The following MYEF2 variants were observed in gnomAD, a reference collection of about 807,000 sequenced individuals.
MYEF2 encodes myelin gene expression factor 2.
Under a neutral mutation model 75.2 loss-of-function variants are expected in MYEF2, and 37 were observed. The ratio of observed to expected loss-of-function variants is 0.49; its 90% CI spans 0.38 to 0.65. The LOEUF (loss-of-function observed/expected upper bound fraction) is 0.65. Among genes scored for constraint, MYEF2 ranks in the 30% least tolerant of loss-of-function variants. MYEF2 has a pLI of 0.00. For missense variants in MYEF2, 634 were observed against 771.4 expected, an observed-to-expected ratio of 0.82 and a Z score of 2.11; for synonymous variants, 195 against 241.6, an observed-to-expected ratio of 0.81 and a Z score of 1.79.
Position 48,137,093 on chromosome 15 carries a change from C to T in MYEF2, c.*5815G>A. 1.0e-6 allele frequency: 1 copy of T among 969,216 alleles called. No homozygotes were observed. Among genetic ancestry groups the T allele is most frequent in the Non-Finnish European group, 1.5e-6 (1 of 670,092 alleles). The allele number at this position is 969,216 out of a possible 1,614,324, so 60.0% of individuals were successfully genotyped here. On this transcript the variant is annotated 3_prime_UTR_variant, in exon 17 of 17. Transcript: ENST00000324324. ...TGTGAAGACTCAGAAATGATAAAGA[C>T]CAAGTCCCTACCTTTAAGGAACTTC...
chr15:48,139,108 C>T lies in MYEF2; in HGVS notation c.*3800G>A, dbSNP rs757226848. 1.2e-6 allele frequency: 2 copies of T among 1,613,080 alleles called. No individual in the cohort carries two copies. Among genetic ancestry groups the T allele is most frequent in the Admixed American group, 1.7e-5 (1 of 59,982 alleles). ...TTTGGAAAAACTACTTTGTGATAAC[C>T]TTTTTCATGTCTGCAATATGGATAT... On this transcript the variant is annotated 3_prime_UTR_variant, in exon 17 of 17. Transcript: ENST00000324324.
chr15:48,152,168 AAC>A lies in MYEF2; in HGVS notation c.1138+64_1138+65del, dbSNP rs565276139. 2.8e-4 allele frequency: 399 copies of A among 1,439,770 alleles called. 1 individual carries two copies. In the African/African-American group the frequency reaches 5.1e-3, roughly 18 times the overall value. 89.2% of individuals were successfully genotyped at this position (1,439,770 alleles called of 1,614,324 possible). A position where few individuals can be genotyped will look rare whatever the true frequency, so the allele number is the denominator to read the frequency against. Reference sequence around the variant, plus strand: ...ATGACTTTTTTTTCATGGAATTCTCAACACAGTTTCTAGTTTATTAAAAATGG... The same window carrying A: ...ATGACTTTTTTTTCATGGAATTCTCAACAGTTTCTAGTTTATTAAAAATGG... On this transcript the variant is annotated intron_variant, in intron 11 of 16. Transcript: ENST00000324324.
chr15:48,155,011 A>C lies in MYEF2; in HGVS notation c.986-1118T>G, dbSNP rs139882286. Reference sequence around the variant, plus strand: ...ATTAAAATATCCAGAAGAATCCAAGATAGGAGTAAAATAAGTATTTGTAAG... The same window carrying C: ...ATTAAAATATCCAGAAGAATCCAAGCTAGGAGTAAAATAAGTATTTGTAAG... On this transcript the variant is annotated intron_variant, in intron 9 of 16. Transcript: ENST00000324324. Among the ~76,000 whole-genome samples, 485 of 152,278 alleles carry C rather than the reference A, an allele frequency of 3.2e-3. 1 individual carries two copies. Among genetic ancestry groups the C allele is most frequent in the African/African-American group, 0.011 (470 of 41,572 alleles).
rs1292711107 is a variant in MYEF2, at chr15:48,139,391, G to A, written c.*3517C>T. ...AAACTGTATTTTCCACTGTTATTTA[G>A]CCTGGGGTACAATTCAAGAGATCTT... On this transcript the variant is annotated 3_prime_UTR_variant, in exon 17 of 17. Transcript: ENST00000324324. The A allele has an allele frequency of 2.5e-6, 1 of 406,830 alleles. No individual in the cohort carries two copies. Among genetic ancestry groups the A allele is most frequent in the Non-Finnish European group, 4.4e-6 (1 of 226,068 alleles). The allele number at this position is 406,830 out of a possible 1,614,324, so 25.2% of individuals were successfully genotyped here.
At chr15:48,166,177 G>C (rs763746439) in intron 3 of MYEF2, 49 bp from the exon 4 acceptor site, 1 of 1,439,174 alleles carries the variant, frequency 6.9e-7, no homozygotes, top group Non-Finnish European at 9.6e-7. Flanking sequence ...AAAAGTTTTA[G>C]ATCAGTACAT....
Position 48,142,833 on chromosome 15 carries a change from A to G in MYEF2, c.*75T>C. On this transcript the variant is annotated 3_prime_UTR_variant, in exon 17 of 17. Transcript: ENST00000324324. ...TTTACAGCTTTTGTAAGCATACAATATTACTTTAAAAAAATGACTTTTACT... is the reference window on the plus strand; with the variant it reads ...TTTACAGCTTTTGTAAGCATACAATGTTACTTTAAAAAAATGACTTTTACT... The G allele has an allele frequency of 7.2e-7, 1 of 1,398,264 alleles. No individual in the cohort carries two copies. Among genetic ancestry groups the G allele is most frequent in the Admixed American group, 2.4e-5 (1 of 41,116 alleles). The allele number at this position is 1,398,264 out of a possible 1,614,324, so 86.6% of individuals were successfully genotyped here.
In MYEF2 at chr15:48,158,858, C is replaced by T. The variant is rs143505455; in HGVS notation, c.782G>A (p.Arg261Gln). 6.2e-6 allele frequency: 10 copies of T among 1,613,618 alleles called. No homozygotes were observed. Among genetic ancestry groups the T allele is most frequent in the African/African-American group, 2.7e-5 (2 of 74,868 alleles). ...EVFSIAGTVK[R>Q]ADIKEDKDGK... ...ATCTTTGTCTTCTTTAATATCTGCCCGCTTCACAGTTCCAGCTATGCTGAA... is the reference window on the plus strand; with the variant it reads ...ATCTTTGTCTTCTTTAATATCTGCCTGCTTCACAGTTCCAGCTATGCTGAA... Residue 261 changes from arginine to glutamine, a missense_variant, in exon 7 of 17, where the codon CGG becomes CAG. Physicochemically the swap from Arg to Gln is conservative, Grantham distance 43 (BLOSUM62 1). Coordinates refer to ENST00000324324, the MANE Select transcript of MYEF2 (RefSeq NM_016132.5).
intron 5 of MYEF2, among the ~76,000 whole-genome samples, chr15:48,165,158 C>T (rs1305110281): frequency 6.6e-6 from 1 of 152,088 alleles, no homozygotes; most frequent in African/African-American, 2.4e-5. Context: ...TGATTAGCAT[C>T]AGTATTAGTA....
At chr15:48,153,984 T>A (rs1361845491) in intron 9 of MYEF2, 91 bp from the exon 10 acceptor site, 3 of 947,628 alleles carry the variant, frequency 3.2e-6, no homozygotes, top group African/African-American at 1.7e-5. Flanking sequence ...ATACCTGTAG[T>A]AGTATCTGTA....
chr15:48,142,953 T>C lies in MYEF2; in HGVS notation c.1758A>G (p.Lys586=), dbSNP rs145729443. The C allele has an allele frequency of 2.0e-4, 321 of 1,601,674 alleles. No individual in the cohort carries two copies. The highest frequency in any genetic ancestry group is 2.4e-4 in the Non-Finnish European group (284 of 1,174,720). ...EKACRIMNGI[K]ISGREIDVRL... is the part of the protein sequence containing the mutation. ...GAACATCAATTTCTCTGCCACTGAT[T>C]TTTATGCCATTCATTATTCTGCAGG... Residue 586 remains lysine, a synonymous_variant, in exon 17 of 17, where the codon AAA becomes AAG. Transcript: ENST00000324324.
chr15:48,173,049 AG>A, intron 1 of MYEF2, among the ~76,000 whole-genome samples: 1 of 152,224 alleles, frequency 6.6e-6, no homozygotes, highest in African/African-American at 2.4e-5. Context: ...CTACAAGAAA[AG>A]AAAATTACAG....
In MYEF2 at chr15:48,139,238, TTCAC is replaced by T. The variant is rs1567229720; in HGVS notation, c.*3666_*3669del. On this transcript the variant is annotated 3_prime_UTR_variant, in exon 17 of 17. Transcript: ENST00000324324. ...TTCATATAAGAACAAATTGCATATG[TTCAC>T]TCAAAGTAGTCTAGCTACACAGCAA... 4.3e-6 allele frequency: 6 copies of T among 1,410,794 alleles called. No individual in the cohort carries two copies. Among genetic ancestry groups the T allele is most frequent in the Non-Finnish European group, 4.9e-6 (5 of 1,010,848 alleles). 87.4% of individuals were successfully genotyped at this position (1,410,794 alleles called of 1,614,324 possible). A position where few individuals can be genotyped will look rare whatever the true frequency, so the allele number is the denominator to read the frequency against.
At chr15:48,156,237 C>A (rs1387310884) in intron 9 of MYEF2, among the ~76,000 whole-genome samples, 1 of 152,050 alleles carries the variant, frequency 6.6e-6, no homozygotes, top group Non-Finnish European at 1.5e-5. Context: ...GACAAAAACA[C>A]ACTAAACCCC....
At position 48,134,788 on chromosome 15, in the gene MYEF2, T is replaced by A. The variant is rs2038855545; in HGVS notation, c.*8120A>T. On this transcript the variant is annotated 3_prime_UTR_variant, in exon 17 of 17. Transcript: ENST00000324324. ...AAGCAATATGCAAAAGATAACAATA[T>A]TTAACTACAAATATATAAACAATTT... The A allele has an allele frequency of 2.0e-6, 2 of 1,004,536 alleles. No individual in the cohort carries two copies. Among genetic ancestry groups the A allele is most frequent in the African/African-American group, 3.3e-5 (2 of 60,586 alleles). The allele number at this position is 1,004,536 out of a possible 1,614,324, so 62.2% of individuals were successfully genotyped here.
chr15:48,171,442 G>A (rs2040337831), intron 1 of MYEF2, among the ~76,000 whole-genome samples: 1 of 151,954 alleles, frequency 6.6e-6, no homozygotes, highest in South Asian at 2.1e-4. Context: ...ATTAAAAACA[G>A]TAACATTATA....
intron 4 of MYEF2, 38 bp downstream of exon 4, chr15:48,166,083 T>A (rs1788887743): frequency 6.3e-7 from 1 of 1,579,454 alleles, no homozygotes. Context: ...TTCCAAAGTT[T>A]AATTTGACTT....
intron 1 of MYEF2, 54 bp downstream of exon 1, chr15:48,178,023 C>G (rs2040617546): frequency 6.5e-7 from 1 of 1,546,432 alleles, no homozygotes; most frequent in Non-Finnish European, 8.7e-7. Context: ...TCTAGCCGCC[C>G]GGTAGACTCC....
At chr15:48,152,425 G>T in intron 10 of MYEF2, 141 bp from the exon 11 acceptor site, 1 of 662,042 alleles carries the variant, frequency 1.5e-6, no homozygotes, top group Non-Finnish European at 2.6e-6. Flanking sequence ...CAGGAGGCAT[G>T]GTTTAAAGTG....
chr15:48,142,115 G>C lies in MYEF2; in HGVS notation c.*793C>G. On this transcript the variant is annotated 3_prime_UTR_variant, in exon 17 of 17. Transcript: ENST00000324324. Reference sequence around the variant, plus strand: ...TGGTATTCCATGGTTTATTAAAACTGCATTTATAAATGGATCAGCTCCTGC... The same window carrying C: ...TGGTATTCCATGGTTTATTAAAACTCCATTTATAAATGGATCAGCTCCTGC... 6.2e-7 allele frequency: 1 copy of C among 1,613,794 alleles called. No homozygotes were observed. Among genetic ancestry groups the C allele is most frequent in the Non-Finnish European group, 8.5e-7 (1 of 1,179,830 alleles).
Sources: gnomAD v4.1 joint callset for allele counts (sites outside exome capture counted in the v4.1 genomes callset) on GRCh38, gnomAD v4.1.1 for gene constraint, MANE v1.5 for transcripts, NCBI Gene and HGNC (gene_info 2026-07-23, HGNC 2026-07-21) for gene names.